Variants in ADGRB2 observed in about 807,000 individuals in gnomAD.
ADGRB2 encodes the protein adhesion G protein-coupled receptor B2, also known as brain-specific angiogenesis inhibitor 2.
ADGRB2 carries 47 observed loss-of-function variants against 178.7 expected under a neutral mutation model. That is an observed-to-expected ratio of 0.26 (90% confidence interval 0.21 to 0.34). The LOEUF (loss-of-function observed/expected upper bound fraction) is 0.34. Among genes scored for constraint, ADGRB2 ranks in the 10% least tolerant of loss-of-function variants. The pLI, the probability that ADGRB2 is intolerant of heterozygous loss-of-function variation, is 1.00. For synonymous variants in ADGRB2, 870 were observed against 912.4 expected, an observed-to-expected ratio of 0.95 and a Z score of 0.84; for missense variants, 1,584 against 2,180.8, an observed-to-expected ratio of 0.73 and a Z score of 5.45.
Position 31,764,062 on chromosome 1 carries a change from G to C in ADGRB2, c.-369C>G. 4.2e-6 allele frequency: 4 copies of C among 961,558 alleles called. No homozygotes were observed. Among genetic ancestry groups the C allele is most frequent in the Non-Finnish European group, 4.9e-6 (4 of 813,212 alleles). The allele number at this position is 961,558 out of a possible 1,614,324, so 59.6% of individuals were successfully genotyped here. A position where few individuals can be genotyped will look rare whatever the true frequency, so the allele number is the denominator to read the frequency against. Reference sequence around the variant, plus strand: ...GGTGCAGAAAAGGCGCCGCGGAGCAGCGCGGGGCGGGCGGGCGGGCGGCGC... The same window carrying C: ...GGTGCAGAAAAGGCGCCGCGGAGCACCGCGGGGCGGGCGGGCGGGCGGCGC... On this transcript the variant is annotated 5_prime_UTR_variant, in exon 1 of 33. Coordinates refer to ENST00000373658, the MANE Select transcript of ADGRB2 (RefSeq NM_001364857.2). The surrounding 1 kb of genome is among the most constrained non-coding windows in gnomAD (Gnocchi z 7.3).
At chr1:31,739,278 C>T in intron 15 of ADGRB2, 30 bp downstream of exon 15, 1 of 1,442,984 alleles carries the variant, frequency 6.9e-7, no homozygotes, top group Non-Finnish European at 9.1e-7. Context: ...GGACCCTCAG[C>T]AGCCCCAGCC....
rs540768458 is a variant in ADGRB2, at chr1:31,759,097, C to T, written c.-190-1586G>A. Among the ~76,000 whole-genome samples, 2 of 152,178 alleles carry T rather than the reference C, an allele frequency of 1.3e-5. No individual in the cohort carries two copies. The highest frequency in any genetic ancestry group is 6.5e-5 in the Admixed American group (1 of 15,284). On this transcript the variant is annotated intron_variant, in intron 1 of 32. Transcript: ENST00000373658. The surrounding 1 kb of genome is among the most constrained non-coding windows in gnomAD (Gnocchi z 4.3). ...ACACCAACACACATGGGTTTGAACA[C>T]CCTTGTGCCCTGAGGACACACACAC... is the stretch of plus-strand genomic sequence containing the variant.
rs1438932496 is a variant in ADGRB2 at position 31,744,820 on chromosome 1, C to A, written c.839-89G>T. ...AGTGAAGGCAGCCTTCCTTGCCCTC[C>A]GCCTGAGGGCCTGGAACCAACTGCA... is the stretch of plus-strand genomic sequence containing the variant. On this transcript the variant is annotated intron_variant, in intron 4 of 32. Coordinates refer to ENST00000373658, the MANE Select transcript of ADGRB2 (RefSeq NM_001364857.2). This position sits in a 1 kb window ranked among gnomAD's most constrained non-coding sequence, Gnocchi z 6.7. 12 of 1,317,266 alleles carry A rather than the reference C, an allele frequency of 9.1e-6. No homozygotes were observed. Among genetic ancestry groups the A allele is most frequent in the Non-Finnish European group, 1.3e-5 (12 of 920,418 alleles). The allele number at this position is 1,317,266 out of a possible 1,614,324, so 81.6% of individuals were successfully genotyped here.
rs1302856914 is a variant in ADGRB2 at position 31,728,769 on chromosome 1, G to A, written c.4381-136C>T. On this transcript the variant is annotated intron_variant, in intron 29 of 32. Coordinates refer to ENST00000373658, the MANE Select transcript of ADGRB2 (RefSeq NM_001364857.2). The surrounding 1 kb of genome is among the most constrained non-coding windows in gnomAD (Gnocchi z 6.7). Reference sequence around the variant, plus strand: ...CCCCCAACCCAGGCCCAGAAGTTGCGGACCTTCATGGGGCAGCTTTTCAGG... The same window carrying A: ...CCCCCAACCCAGGCCCAGAAGTTGCAGACCTTCATGGGGCAGCTTTTCAGG... 1.6e-5 allele frequency: 14 copies of A among 848,596 alleles called. No individual in the cohort carries two copies. Among genetic ancestry groups the A allele is most frequent in the East Asian group, 9.0e-5 (3 of 33,264 alleles). 52.6% of individuals were successfully genotyped at this position (848,596 alleles called of 1,614,324 possible).
At position 31,728,469 on chromosome 1, in the gene ADGRB2, G is replaced by A. The variant is rs555925815; in HGVS notation, c.4416+129C>T. ...GGAGGGAATCATGGGAAGATCCCAC[G>A]GAACCCCCGGGCTTGGGCTCCTGGG... is the stretch of plus-strand genomic sequence containing the variant. On this transcript the variant is annotated intron_variant, in intron 30 of 32. Coordinates refer to ENST00000373658, the MANE Select transcript of ADGRB2 (RefSeq NM_001364857.2). The surrounding 1 kb of genome is among the most constrained non-coding windows in gnomAD (Gnocchi z 6.7). 47 of 1,452,202 alleles carry A rather than the reference G, an allele frequency of 3.2e-5. No homozygotes were observed. Among genetic ancestry groups the A allele is most frequent in the South Asian group, 1.3e-4 (11 of 87,090 alleles). The allele number at this position is 1,452,202 out of a possible 1,614,324, so 90.0% of individuals were successfully genotyped here.
At chr1:31,737,796 G>A (rs199899147) in intron 18 of ADGRB2, 41 bp from the exon 19 acceptor site, 33 of 1,576,752 alleles carry the variant, frequency 2.1e-5, no homozygotes, top group Non-Finnish European at 2.7e-5. Flanking sequence ...TTCCTGGGAG[G>A]GGGGAGCTGC....
At chr1:31,747,992 G>A (rs1372161322) in intron 4 of ADGRB2, among the ~76,000 whole-genome samples, 1 of 152,176 alleles carries the variant, frequency 6.6e-6, no homozygotes, top group African/African-American at 2.4e-5. Flanking sequence ...GCTCCTGTGT[G>A]GGCTTCCTGC....
At chr1:31,738,126 A>G (rs1408388666) in intron 18 of ADGRB2, 74 bp downstream of exon 18, 9 of 1,581,194 alleles carry the variant, frequency 5.7e-6, no homozygotes, top group African/African-American at 1.4e-5. Context: ...GCGCCTGCCA[A>G]CACCATCACT....
At chr1:31,736,458 C>T (rs1271271078) in intron 21 of ADGRB2, 68 bp from the exon 22 acceptor site, 1 of 1,605,544 alleles carries the variant, frequency 6.2e-7, no homozygotes, top group African/African-American at 1.3e-5. Context: ...CTCCCAGACT[C>T]CCATCCCAGC....
chr1:31,751,507 T>C (rs1412881473), intron 4 of ADGRB2, among the ~76,000 whole-genome samples: 2 of 152,210 alleles, frequency 1.3e-5, no homozygotes, highest in African/African-American at 2.4e-5. Context: ...GCCTGTGCAG[T>C]TCCAGACTTT....
At chr1:31,739,186 T>C (rs1368936718) in intron 15 of ADGRB2, 122 bp downstream of exon 15, 3 of 1,114,596 alleles carry the variant, frequency 2.7e-6, no homozygotes, top group African/African-American at 3.2e-5. Context: ...AGGCAAGGGG[T>C]TCCTGAAGGT....
Position 31,727,447 on chromosome 1 carries a change from CGGTGGTTCT to C in ADGRB2, c.4722_4730del (p.Glu1575_Pro1577del). The C allele has an allele frequency of 6.3e-7, 1 of 1,587,998 alleles. No individual in the cohort carries two copies. The highest frequency in any genetic ancestry group is 8.5e-7 in the Non-Finnish European group (1 of 1,172,568). On this transcript the variant is annotated inframe_deletion, in exon 33 of 33. Transcript: ENST00000373658. This position sits in a 1 kb window ranked among gnomAD's most constrained non-coding sequence, Gnocchi z 4.4. ...ACACCTCTGTCTGGAAGTCACCATCCGGTGGTTCTGTGGGCTCCCAGGCTGCTGCCCGGT... is the reference window on the plus strand; with the variant it reads ...ACACCTCTGTCTGGAAGTCACCATCCGTGGGCTCCCAGGCTGCTGCCCGGT...
In ADGRB2 at chr1:31,756,326, G is replaced by T; in HGVS notation, c.511C>A (p.Arg171Ser). 1 of 1,612,976 alleles carries T rather than the reference G, an allele frequency of 6.2e-7. No homozygotes were observed. Among genetic ancestry groups the T allele is most frequent in the Non-Finnish European group, 8.5e-7 (1 of 1,179,968 alleles). The change falls in exon 4 of 33, where the codon CGC becomes AGC. Residue 171 changes from arginine to serine, a missense_variant. This residue lies in a region of ADGRB2 where 657 missense variants were observed against 847.6 expected (regional missense o/e 0.78). Coordinates refer to ENST00000373658, the MANE Select transcript of ADGRB2 (RefSeq NM_001364857.2). The surrounding 1 kb of genome is among the most constrained non-coding windows in gnomAD (Gnocchi z 8.5). The stretch of plus-strand genomic sequence containing the variant: ...GCTAGGGCAGCGGGCGCCAGCAGGC[G>T]CGGGGCCTCGGAGGGCTCAGCCGAC... Reference protein sequence around the residue: ...CLSAEPSEAPRLLAPAALAFR... With the variant: ...CLSAEPSEAPSLLAPAALAFR...
chr1:31,743,131 ATCTGT>A, intron 6 of ADGRB2, 129 bp from the exon 7 acceptor site: 1 of 1,121,362 alleles, frequency 8.9e-7, no homozygotes, highest in Non-Finnish European at 1.2e-6. Flanking sequence ...CTGCCCCGGG[ATCTGT>A]TGCCAGGGGG....
At chr1:31,748,668 G>A (rs1318614936) in intron 4 of ADGRB2, among the ~76,000 whole-genome samples, 1 of 152,250 alleles carries the variant, frequency 6.6e-6, no homozygotes, top group Non-Finnish European at 1.5e-5. Flanking sequence ...TGTGGGCCAG[G>A]TGCCCCAAGG....
Position 31,735,395 on chromosome 1 carries a change from C to T in ADGRB2, c.3354-114G>A. On this transcript the variant is annotated intron_variant, in intron 24 of 32. Transcript: ENST00000373658. The surrounding 1 kb of genome is among the most constrained non-coding windows in gnomAD (Gnocchi z 6.0). ...GGGAGGGCAGACGAGAGAGAGAGAG[C>T]TGGGTTAGGGTGGGTGAGGGGCTGC... is the stretch of plus-strand genomic sequence containing the variant. 1.7e-6 allele frequency: 2 copies of T among 1,192,924 alleles called. No homozygotes were observed. Among genetic ancestry groups the T allele is most frequent in the South Asian group, 2.6e-5 (2 of 76,818 alleles). 73.9% of individuals were successfully genotyped at this position (1,192,924 alleles called of 1,614,324 possible).
rs536323913 is a variant in ADGRB2 at position 31,736,797 on chromosome 1, C to T, written c.2980-74G>A. 9.2e-5 allele frequency: 140 copies of T among 1,518,388 alleles called. 1 individual carries two copies. Among genetic ancestry groups the T allele is most frequent in the African/African-American group, 4.0e-4 (29 of 72,260 alleles). 94.1% of individuals were successfully genotyped at this position (1,518,388 alleles called of 1,614,324 possible). The stretch of plus-strand genomic sequence containing the variant: ...CAGGAGGCGCCGGGCTTCCCACGCC[C>T]GCTGCTGGGCGCTGCCACAGCCGCC... On this transcript the variant is annotated intron_variant, in intron 20 of 32. Transcript: ENST00000373658.
At position 31,736,403 on chromosome 1, in the gene ADGRB2, G is replaced by C; in HGVS notation, c.3131-13C>G. The C allele has an allele frequency of 1.9e-6, 3 of 1,613,660 alleles. No homozygotes were observed. The highest frequency in any genetic ancestry group is 1.3e-5 in the African/African-American group (1 of 75,000). ...AGGGCAGGCAGACCTGGGGGAGCAG[G>C]GGTGCCAGAGTGAGATGGTTGCTGG... On this transcript the variant is annotated splice_polypyrimidine_tract_variant and intron_variant, in intron 21 of 32. Transcript: ENST00000373658.
chr1:31,731,426 G>A lies in ADGRB2; in HGVS notation c.3761-7C>T. 1 of 1,575,252 alleles carries A rather than the reference G, an allele frequency of 6.3e-7. No homozygotes were observed. The highest frequency in any genetic ancestry group is 8.6e-7 in the Non-Finnish European group (1 of 1,157,920). ...TTGACCTCCTTGAACAGCACTGGGG[G>A]CAGGAGTGGGAGGGAGGGGGTGAGT... On this transcript the variant is annotated splice_polypyrimidine_tract_variant and splice_region_variant and intron_variant, in intron 28 of 32. Coordinates refer to ENST00000373658, the MANE Select transcript of ADGRB2 (RefSeq NM_001364857.2).
Sources: allele counts gnomAD v4.1 joint callset (sites outside exome capture counted in the v4.1 genomes callset), GRCh38; gene constraint gnomAD v4.1.1; regional missense constraint gnomAD v4.1.1; non-coding constraint Gnocchi (gnomAD v3.1); transcripts MANE v1.5; gene names NCBI Gene and HGNC (gene_info 2026-07-23, HGNC 2026-07-21).